PTGER3: variants seen among roughly 807,000 people sequenced by gnomAD.
PTGER3 encodes the protein prostaglandin E receptor 3.
In PTGER3, 22 loss-of-function variants were observed where a neutral mutation model predicts 34.7. That is an observed-to-expected ratio of 0.63 (90% CI 0.45 to 0.91). PTGER3 has a LOEUF of 0.91. Among genes scored for constraint, PTGER3 ranks in the 40% least tolerant of loss-of-function variants. PTGER3 has a pLI of 0.00. For missense variants in PTGER3, 468 were observed against 519.4 expected (o/e 0.90, Z 0.96); for synonymous variants, 241 against 230.1 (o/e 1.05, Z -0.43).
At chr1:71,008,981 T>G in intron 2 of PTGER3, 1 of 983,332 alleles carries the variant, frequency 1.0e-6, no homozygotes, top group Non-Finnish European at 1.2e-6. Context: ...TGTCTAAAAT[T>G]TCAAAGAACA....
At chr1:70,955,550 A>G (rs537652218) in intron 2 of PTGER3, among the ~76,000 whole-genome samples, 117 of 152,214 alleles carry the variant, frequency 7.7e-4, no homozygotes, top group African/African-American at 2.8e-3. Flanking sequence ...GAAAAGTCCT[A>G]CTAAGAAAAA....
intron 4 of PTGER3, among the ~76,000 whole-genome samples, chr1:70,869,996 A>G (rs1646128772): frequency 6.6e-6 from 1 of 152,176 alleles, no homozygotes; most frequent in Admixed American, 6.5e-5. Context: ...CTCCTATGCC[A>G]CATTTCCTCT....
chr1:71,040,127 AAG>A (rs1276175923), intron 1 of PTGER3, among the ~76,000 whole-genome samples: 3 of 151,758 alleles, frequency 2.0e-5, no homozygotes, highest in Admixed American at 6.6e-5. Context: ...AAAAAAAAGA[AAG>A]AGAAAGAGAG....
chr1:70,897,961 C>G (rs961777729), intron 4 of PTGER3, among the ~76,000 whole-genome samples: 1 of 151,930 alleles, frequency 6.6e-6, no homozygotes, highest in Non-Finnish European at 1.5e-5. Flanking sequence ...TCTATTTGAA[C>G]ATATCACTTA....
chr1:71,009,162 A>C (rs974352025), intron 2 of PTGER3: 3 of 985,150 alleles, frequency 3.0e-6, no homozygotes, highest in Non-Finnish European at 3.6e-6. Flanking sequence ...CAATATTAGA[A>C]TACTGCCACA....
At chr1:70,961,166 A>C (rs1651893794) in intron 2 of PTGER3, among the ~76,000 whole-genome samples, 1 of 152,204 alleles carries the variant, frequency 6.6e-6, no homozygotes, top group African/African-American at 2.4e-5. Context: ...AAAATGCAAA[A>C]TCCTCGGCCC....
chr1:70,856,177 AT>A (rs1454580408), intron 4 of PTGER3, among the ~76,000 whole-genome samples: 1 of 152,104 alleles, frequency 6.6e-6, no homozygotes, highest in Non-Finnish European at 1.5e-5. Context: ...TATAAATAAT[AT>A]TTTTATTTAG....
chr1:70,958,478 CTT>C (rs1393249383), intron 2 of PTGER3, among the ~76,000 whole-genome samples: 1 of 152,056 alleles, frequency 6.6e-6, no homozygotes, highest in African/African-American at 2.4e-5. Context: ...TGTATGTACT[CTT>C]GTGAAAAAAT....
chr1:70,952,986 A>T, exon 4 of PTGER3: 1 of 1,613,248 alleles, frequency 6.2e-7, no homozygotes, highest in Non-Finnish European at 8.5e-7. Flanking sequence ...TCTGTTCAGC[A>T]CACGATAGGT....
chr1:70,938,291 T>A (rs114103645), intron 4 of PTGER3, among the ~76,000 whole-genome samples: 2,988 of 152,212 alleles, frequency 0.02, 99 homozygotes, highest in African/African-American at 0.067. Flanking sequence ...ACAGGGAAAG[T>A]CAAATCACCA....
At chr1:70,923,628 A>C (rs762054994) in intron 4 of PTGER3, among the ~76,000 whole-genome samples, 1 of 152,238 alleles carries the variant, frequency 6.6e-6, no homozygotes, top group African/African-American at 2.4e-5. Context: ...ATAGAAGTCT[A>C]AAGTAATCTT....
chr1:70,860,699 C>T (rs940485027), intron 4 of PTGER3, among the ~76,000 whole-genome samples: 1 of 152,036 alleles, frequency 6.6e-6, no homozygotes, highest in African/African-American at 2.4e-5. Context: ...TTTTCAAGAA[C>T]CTACCAATAA....
chr1:70,865,529 T>A (rs1270371735), intron 4 of PTGER3, among the ~76,000 whole-genome samples: 1 of 152,078 alleles, frequency 6.6e-6, no homozygotes, highest in Non-Finnish European at 1.5e-5. Context: ...AAGCTAAGGA[T>A]CTCTTCAGGG....
At chr1:71,026,849 G>A (rs1056609859) in intron 1 of PTGER3, among the ~76,000 whole-genome samples, 1 of 151,912 alleles carries the variant, frequency 6.6e-6, no homozygotes, top group Non-Finnish European at 1.5e-5. Flanking sequence ...TGTATTCTGG[G>A]TTGGTCCAAC....
At chr1:70,978,426 T>C (rs1391895471) in intron 2 of PTGER3, among the ~76,000 whole-genome samples, 1 of 152,116 alleles carries the variant, frequency 6.6e-6, no homozygotes, top group African/African-American at 2.4e-5. Flanking sequence ...ATAGTCTTAA[T>C]TGGTCAAATT....
At chr1:70,860,323 A>G (rs1472804095) in intron 4 of PTGER3, among the ~76,000 whole-genome samples, 12 of 152,194 alleles carry the variant, frequency 7.9e-5, no homozygotes, top group Non-Finnish European at 1.8e-4. Flanking sequence ...TCATTATAAC[A>G]TTGATGAGAA....
At chr1:70,915,277 G>A (rs1647149611) in intron 4 of PTGER3, among the ~76,000 whole-genome samples, 1 of 151,794 alleles carries the variant, frequency 6.6e-6, no homozygotes, top group Admixed American at 6.6e-5. Context: ...GAGGAGAGTT[G>A]TCTTATATAT....
intron 4 of PTGER3, among the ~76,000 whole-genome samples, chr1:70,911,180 G>T (rs1647053267): frequency 1.3e-5 from 2 of 150,900 alleles, no homozygotes; most frequent in South Asian, 4.2e-4. Context: ...AGAACCAAAA[G>T]TGCTTAATCT....
intron 4 of PTGER3, among the ~76,000 whole-genome samples, chr1:70,937,569 G>A (rs1217469550): frequency 1.3e-5 from 2 of 152,174 alleles, no homozygotes; most frequent in African/African-American, 2.4e-5. Context: ...AGAAGATCCT[G>A]AGAATTTGGA....
Sources: allele counts gnomAD v4.1 joint callset (sites outside exome capture counted in the v4.1 genomes callset), GRCh38; gene constraint gnomAD v4.1.1; transcripts MANE v1.5; gene names NCBI Gene and HGNC (gene_info 2026-07-23, HGNC 2026-07-21).